Variants in LRP2 observed in about 807,000 individuals in gnomAD.
LRP2 encodes low-density lipoprotein receptor-related protein 2.
In LRP2, 172 loss-of-function variants were observed where a neutral mutation model predicts 531.0. That is an observed-to-expected ratio of 0.32 (90% CI 0.29 to 0.37). The LOEUF (loss-of-function observed/expected upper bound fraction) is 0.37. Among genes scored for constraint, LRP2 ranks in the 10% least tolerant of loss-of-function variants. LRP2 has a pLI of 1.00. For missense variants in LRP2, 5,167 were observed against 5,868.3 expected (o/e 0.88, Z 3.90); for synonymous variants, 1,992 against 2,027.6 (o/e 0.98, Z 0.47).
chr2:169,355,893 T>C (rs1685974130), intron 1 of LRP2, among the ~76,000 whole-genome samples: 1 of 152,190 alleles, frequency 6.6e-6, no homozygotes, highest in South Asian at 2.1e-4. Flanking sequence ...TTTTCAACTA[T>C]GTATTTATTT....
At chr2:169,133,644 G>A (rs2105329085) in intron 76 of LRP2, among the ~76,000 whole-genome samples, 1 of 152,282 alleles carries the variant, frequency 6.6e-6, no homozygotes, top group East Asian at 1.9e-4. Flanking sequence ...GGCCATAGTT[G>A]TTGTGACAAA....
chr2:169,362,201 C>A (rs544952691), intron 1 of LRP2, 120 bp downstream of exon 1: 1 of 831,170 alleles, frequency 1.2e-6, no homozygotes, highest in East Asian at 3.1e-5. Flanking sequence ...GAGCAGCTCC[C>A]GCGCCGCCGC....
At chr2:169,354,276 A>T (rs538369009) in intron 1 of LRP2, among the ~76,000 whole-genome samples, 2 of 152,312 alleles carry the variant, frequency 1.3e-5, no homozygotes, top group African/African-American at 4.8e-5. Context: ...GTGAGGAAAG[A>T]CTTATTTTCA....
chr2:169,186,067 A>G lies in LRP2; in HGVS notation c.9329-48T>C, dbSNP rs769602575. The G allele has an allele frequency of 2.6e-6, 4 of 1,533,690 alleles. No homozygotes were observed. The South Asian group carries it at 4.5e-5, about 17-fold the overall frequency. On this transcript the variant is annotated intron_variant, in intron 49 of 78. Transcript: ENST00000649046. ...AGAGATCCTAAAATATCAACGACCA[A>G]CTCACTATAATGGTTCAAAGTCAAC...
intron 15 of LRP2, chr2:169,271,556 T>C (rs1683414251): frequency 5.7e-6 from 1 of 176,426 alleles, no homozygotes; most frequent in Non-Finnish European, 1.1e-5. Context: ...AAAAATTAGA[T>C]ACTGAGTTTT....
Position 169,173,121 on chromosome 2 carries a change from C to T in LRP2, c.11118G>A (p.Arg3706=), listed in dbSNP as rs1416459808. The T allele has an allele frequency of 1.2e-6, 2 of 1,613,918 alleles. No individual in the cohort carries two copies. Among genetic ancestry groups the T allele is most frequent in the Non-Finnish European group, 8.5e-7 (1 of 1,180,014 alleles). ...CACAGCCTTGCTCATCACTGTTGTC[C>T]CTGCAGTCATCTACACCATTGCACA... The part of the protein sequence containing the change: ...WAVCNGVDDC[R]DNSDEQGCEE... The change falls in exon 57 of 79, where the codon AGG becomes AGA. Residue 3706 remains arginine (R), a synonymous_variant. Coordinates refer to ENST00000649046, the MANE Select transcript of LRP2 (RefSeq NM_004525.3).
At chr2:169,174,997 C>T (rs1266804581) in intron 55 of LRP2, among the ~76,000 whole-genome samples, 196 bp downstream of exon 55, 1 of 145,490 alleles carries the variant, frequency 6.9e-6, no homozygotes, top group African/African-American at 2.6e-5. Flanking sequence ...AACCATTTGC[C>T]TTGTAAAAAC....
chr2:169,321,351 A>G (rs1187381689), intron 1 of LRP2, among the ~76,000 whole-genome samples: 20 of 152,168 alleles, frequency 1.3e-4, no homozygotes, highest in Admixed American at 1.3e-3. Context: ...TTGACATATT[A>G]GTAACTTAAA....
intron 1 of LRP2, among the ~76,000 whole-genome samples, chr2:169,339,728 C>T (rs1219134526): frequency 1.3e-5 from 2 of 152,104 alleles, no homozygotes; most frequent in African/African-American, 4.8e-5. Context: ...TAAAATTCTC[C>T]TCACTTCACT....
intron 63 of LRP2, among the ~76,000 whole-genome samples, chr2:169,161,063 G>A (rs529266050): frequency 6.6e-6 from 1 of 152,322 alleles, no homozygotes; most frequent in Admixed American, 6.5e-5. Context: ...CCTAGAGTTT[G>A]GAGAAGGGCC....
In LRP2 at chr2:169,233,561, G is replaced by C. The variant is rs1244579946; in HGVS notation, c.4948C>G (p.Leu1650Val). The change falls in exon 30 of 79, where the codon CTC becomes GTC. Residue 1650 changes from leucine (L) to valine (V), a missense_variant. Physicochemically the swap from Leu to Val is conservative, Grantham distance 32. Transcript: ENST00000649046. ...GTCCAGTACACAGAGTCTTCAAAGA[G>C]AGTTAGGGCATAGGGGTGCCGTATA... ...LIIRHPYALT[L>V]FEDSVYWTDR... 6.2e-7 allele frequency: 1 copy of C among 1,614,184 alleles called. No individual in the cohort carries two copies. The highest frequency in any genetic ancestry group is 1.7e-5 in the Admixed American group (1 of 60,026).
chr2:169,224,056 AC>A (rs1689112583), intron 33 of LRP2, among the ~76,000 whole-genome samples: 1 of 152,142 alleles, frequency 6.6e-6, no homozygotes, highest in Non-Finnish European at 1.5e-5. Flanking sequence ...GATGCATGAA[AC>A]CTCAGATAGT....
Position 169,128,149 on chromosome 2 carries a change from G to A in LRP2, c.*514C>T, listed in dbSNP as rs767373121. 2 of 165,490 alleles carry A rather than the reference G, an allele frequency of 1.2e-5. No individual in the cohort carries two copies. Among genetic ancestry groups the A allele is most frequent in the African/African-American group, 4.8e-5 (2 of 41,472 alleles). 10.3% of individuals were successfully genotyped at this position (165,490 alleles called of 1,614,324 possible). A position where few individuals can be genotyped will look rare whatever the true frequency, so the allele number is the denominator to read the frequency against. On this transcript the variant is annotated 3_prime_UTR_variant, in exon 79 of 79. Coordinates refer to ENST00000649046, the MANE Select transcript of LRP2 (RefSeq NM_004525.3). The stretch of plus-strand genomic sequence containing the variant: ...ACACATAGTGGCCCCTATCAACATA[G>A]CCATTAATCAAATTGACATGTAATA...
chr2:169,221,429 T>C (rs1204428495), intron 33 of LRP2, among the ~76,000 whole-genome samples: 2 of 152,188 alleles, frequency 1.3e-5, no homozygotes, highest in Non-Finnish European at 2.9e-5. Context: ...ATTACTGTTA[T>C]AATCACAGTG....
intron 16 of LRP2, among the ~76,000 whole-genome samples, chr2:169,269,461 C>CCATCTGATCTTTGA (rs1683338921): frequency 6.6e-6 from 1 of 152,288 alleles, no homozygotes; most frequent in East Asian, 1.9e-4. Flanking sequence ...ACATCTACAA[C>CCATCTGATCTTTGA]CATCTGATCT....
At chr2:169,185,122 T>C (rs1386245524) in intron 50 of LRP2, among the ~76,000 whole-genome samples, 1 of 152,110 alleles carries the variant, frequency 6.6e-6, no homozygotes. Context: ...GTCTGCCTTG[T>C]TCCCCTCAAA....
chr2:169,199,034 C>A lies in LRP2; in HGVS notation c.8453-123G>T, dbSNP rs938667736. On this transcript the variant is annotated intron_variant, in intron 44 of 78. Coordinates refer to ENST00000649046, the MANE Select transcript of LRP2 (RefSeq NM_004525.3). Reference sequence around the variant, plus strand: ...ACTGGAAGGGCGGCATTTTCAAAGCCATCAGAAAGGCAGGATCCATGATAC... The same window carrying A: ...ACTGGAAGGGCGGCATTTTCAAAGCAATCAGAAAGGCAGGATCCATGATAC... 1.5e-5 allele frequency: 14 copies of A among 947,488 alleles called. No homozygotes were observed. The Admixed American group carries it at 2.4e-4, about 16-fold the overall frequency. 58.7% of individuals were successfully genotyped at this position (947,488 alleles called of 1,614,324 possible).
intron 49 of LRP2, among the ~76,000 whole-genome samples, chr2:169,186,899 A>G (rs1293224740): frequency 1.3e-5 from 2 of 152,234 alleles, no homozygotes; most frequent in Non-Finnish European, 2.9e-5. Flanking sequence ...GGGAATCTAT[A>G]TGAATTAGGA....
At chr2:169,317,929 T>C (rs1479996686) in intron 3 of LRP2, among the ~76,000 whole-genome samples, 2 of 151,956 alleles carry the variant, frequency 1.3e-5, no homozygotes, top group Non-Finnish European at 2.9e-5. Context: ...ATTTAAAAAT[T>C]AGCTGGGCAT....
Sources: gnomAD v4.1 joint callset for allele counts (sites outside exome capture counted in the v4.1 genomes callset) on GRCh38, gnomAD v4.1.1 for gene constraint, MANE v1.5 for transcripts, NCBI Gene and HGNC (gene_info 2026-07-23, HGNC 2026-07-21) for gene names.